ROBO2: variants seen among roughly 807,000 people sequenced by gnomAD.
ROBO2 encodes the protein roundabout homolog 2.
In ROBO2, 53 loss-of-function variants were observed where a neutral mutation model predicts 160.8. The observed-to-expected ratio is 0.33, with a 90% CI of 0.26 to 0.41. The LOEUF (loss-of-function observed/expected upper bound fraction) is 0.41, where lower values mean the gene tolerates loss of function less well. ROBO2 is among the 10% of genes least tolerant of loss of function. ROBO2 has a pLI of 1.00. For missense variants in ROBO2, 1,577 were observed against 1,722.4 expected (o/e 0.92, Z 1.49); for synonymous variants, 664 against 611.7 (o/e 1.09, Z -1.26).
At chr3:76,941,233 G>A (rs1413882751) in intron 2 of ROBO2, among the ~76,000 whole-genome samples, 1 of 152,024 alleles carries the variant, frequency 6.6e-6, no homozygotes, top group Non-Finnish European at 1.5e-5. Flanking sequence ...TACTCCAGTA[G>A]CTGTTTACTT....
intron 9 of ROBO2, among the ~76,000 whole-genome samples, chr3:77,559,725 C>G (rs1429181174): frequency 6.6e-6 from 1 of 152,008 alleles, no homozygotes; most frequent in Non-Finnish European, 1.5e-5. Context: ...CTATATCATA[C>G]AGACGTATAT....
At chr3:76,486,587 A>G (rs1166547654) in intron 2 of ROBO2, among the ~76,000 whole-genome samples, 2 of 152,144 alleles carry the variant, frequency 1.3e-5, no homozygotes, top group African/African-American at 2.4e-5. Flanking sequence ...GAAAACTCAT[A>G]TATCTTTGAA....
intron 1 of ROBO2, among the ~76,000 whole-genome samples, chr3:77,043,670 C>A (rs969784112): frequency 6.6e-6 from 1 of 151,988 alleles, no homozygotes; most frequent in Non-Finnish European, 1.5e-5. Context: ...TCCAGCTTTT[C>A]TTTATTTTTG....
chr3:77,515,423 G>A (rs1393800672), intron 5 of ROBO2, among the ~76,000 whole-genome samples: 1 of 151,604 alleles, frequency 6.6e-6, no homozygotes, highest in African/African-American at 2.4e-5. Flanking sequence ...AAATGTCCAC[G>A]TTTTAAATTA....
At chr3:76,451,074 G>C (rs528449926) in intron 2 of ROBO2, among the ~76,000 whole-genome samples, 3 of 152,208 alleles carry the variant, frequency 2.0e-5, no homozygotes, top group African/African-American at 7.2e-5. Flanking sequence ...TTGGTAGGTT[G>C]TGTAACAGGA....
intron 2 of ROBO2, among the ~76,000 whole-genome samples, chr3:76,747,145 T>C (rs965683827): frequency 3.3e-5 from 5 of 152,162 alleles, no homozygotes; most frequent in Admixed American, 2.6e-4. Flanking sequence ...TAAAAAATAC[T>C]CAAATACATA....
At chr3:77,387,403 T>C (rs941715081) in intron 2 of ROBO2, among the ~76,000 whole-genome samples, 1 of 151,762 alleles carries the variant, frequency 6.6e-6, no homozygotes, top group African/African-American at 2.4e-5. Flanking sequence ...AATGAAATCC[T>C]AGGAGAAACC....
intron 2 of ROBO2, among the ~76,000 whole-genome samples, chr3:77,297,452 A>G (rs557740455): frequency 1.3e-5 from 2 of 152,204 alleles, no homozygotes; most frequent in African/African-American, 4.8e-5. Context: ...ACCTTGAGGT[A>G]TTTGCTTAAG....
intron 2 of ROBO2, among the ~76,000 whole-genome samples, chr3:76,017,945 A>C (rs2066452419): frequency 6.6e-6 from 1 of 152,034 alleles, no homozygotes. Flanking sequence ...GTTTTGTTAG[A>C]TTTTCTGATT....
At chr3:76,956,736 T>C (rs2079300744) in intron 2 of ROBO2, among the ~76,000 whole-genome samples, 1 of 151,952 alleles carries the variant, frequency 6.6e-6, no homozygotes, top group African/African-American at 2.4e-5. Context: ...TTTCCCAAAC[T>C]TGCCTCATAA....
chr3:76,500,595 G>C lies in ROBO2; in HGVS notation c.109+562993G>C, dbSNP rs2080405288. Reference sequence around the variant, plus strand: ...AATTCCTCTGCAGACAAAGGAGAAGGGGGTACCACATTTGTCACATTCTTC... The same window carrying C: ...AATTCCTCTGCAGACAAAGGAGAAGCGGGTACCACATTTGTCACATTCTTC... On this transcript the variant is annotated intron_variant, in intron 2 of 26. Transcript: ENST00000487694. Among the ~76,000 whole-genome samples the C allele has an allele frequency of 2.6e-5, 4 of 152,178 alleles. No individual in the cohort carries two copies. In the South Asian group the frequency reaches 8.3e-4, roughly 32 times the overall value.
intron 4 of ROBO2, among the ~76,000 whole-genome samples, chr3:77,486,355 C>G (rs570950794): frequency 1.2e-4 from 19 of 152,274 alleles, no homozygotes; most frequent in African/African-American, 4.3e-4. Flanking sequence ...TCTTCCACAA[C>G]AGTTGAACTA....
chr3:76,145,105 A>AG (rs2071834813), intron 2 of ROBO2, among the ~76,000 whole-genome samples: 1 of 118,234 alleles, frequency 8.5e-6, no homozygotes, highest in African/African-American at 2.6e-5. Flanking sequence ...TGTAAAGAAG[A>AG]GAAAAAAAAA....
At chr3:77,483,937 A>C (rs2085012809) in intron 4 of ROBO2, among the ~76,000 whole-genome samples, 1 of 151,810 alleles carries the variant, frequency 6.6e-6, no homozygotes, top group African/African-American at 2.4e-5. Flanking sequence ...GAATTCTTCA[A>C]GTATTTTGAT....
chr3:77,161,835 T>C (rs1445041476), intron 2 of ROBO2, among the ~76,000 whole-genome samples: 1 of 152,052 alleles, frequency 6.6e-6, no homozygotes, highest in Non-Finnish European at 1.5e-5. Flanking sequence ...TTTTCTGTTG[T>C]CATGGTTTTT....
At chr3:77,463,762 G>A (rs1351187752) in intron 2 of ROBO2, among the ~76,000 whole-genome samples, 4 of 151,940 alleles carry the variant, frequency 2.6e-5, no homozygotes, top group Non-Finnish European at 4.4e-5. Context: ...TGTATTTTTG[G>A]TGGGGATGGG....
chr3:76,678,452 G>C (rs939144241), intron 2 of ROBO2, among the ~76,000 whole-genome samples: 1 of 151,968 alleles, frequency 6.6e-6, no homozygotes, highest in African/African-American at 2.4e-5. Flanking sequence ...GACAGATGGG[G>C]CATTGTGGAG....
Position 77,381,769 on chromosome 3 carries a change from G to T in ROBO2, c.389-95645G>T, listed in dbSNP as rs574628834. Reference sequence around the variant, plus strand: ...TCCATTTGCATATATCCACATATGTGAGCACTTGGTTGATTCTCCTCCTTT... The same window carrying T: ...TCCATTTGCATATATCCACATATGTTAGCACTTGGTTGATTCTCCTCCTTT... On this transcript the variant is annotated intron_variant, in intron 2 of 25. Coordinates refer to ENST00000461745, the Ensembl canonical transcript of ROBO2. Among the ~76,000 whole-genome samples the T allele has an allele frequency of 2.6e-5, 4 of 152,268 alleles. No individual in the cohort carries two copies. The East Asian group carries it at 5.8e-4, about 22-fold the overall frequency.
Position 76,406,997 on chromosome 3 carries a change from GTT to G in ROBO2, c.109+469410_109+469411del, listed in dbSNP as rs62802963. Reference sequence around the variant, plus strand: ...TAAACTGGCCAGACCACCCTGAGTTGTTTTTTTTTTTTTTTTCATTTATTTTG... The same window carrying G: ...TAAACTGGCCAGACCACCCTGAGTTGTTTTTTTTTTTTTTCATTTATTTTG... On this transcript the variant is annotated intron_variant, in intron 2 of 26. Transcript: ENST00000487694. 9.4e-4 allele frequency among the ~76,000 whole-genome samples: 116 copies of G among 123,370 alleles called. 1 individual carries two copies. In the South Asian group the frequency reaches 0.014, roughly 15 times the overall value. 80.9% of individuals were successfully genotyped at this position (123,370 alleles called of 152,430 possible).
Sources: allele counts gnomAD v4.1 joint callset (sites outside exome capture counted in the v4.1 genomes callset), GRCh38; gene constraint gnomAD v4.1.1; transcripts MANE v1.5; gene names NCBI Gene and HGNC (gene_info 2026-07-23, HGNC 2026-07-21).